TMEM178B: variants seen among roughly 807,000 people sequenced by gnomAD.
TMEM178B encodes transmembrane protein 178B.
A neutral mutation model predicts 31.0 loss-of-function variants in TMEM178B; 5 were observed. The ratio of observed to expected loss-of-function variants is 0.16; its 90% CI spans 0.08 to 0.34. The LOEUF (loss-of-function observed/expected upper bound fraction) is 0.34. Ranked by LOEUF, TMEM178B falls within the 10% of genes least tolerant of loss-of-function variation. The probability of loss-of-function intolerance (pLI) is 1.00; values close to 1 mark genes in which losing one functional copy is unlikely to be tolerated. For missense variants in TMEM178B, 275 were observed against 400.3 expected, an observed-to-expected ratio of 0.69 and a Z score of 2.67; for synonymous variants, 164 against 164.0, an observed-to-expected ratio of 1.00 and a Z score of 0.00.
At chr7:141,081,069 G>C (rs1475356482) in intron 1 of TMEM178B, among the ~76,000 whole-genome samples, 1 of 152,150 alleles carries the variant, frequency 6.6e-6, no homozygotes, top group Non-Finnish European at 1.5e-5. Context: ...ATAAAAAAAA[G>C]TTAACTGTAA....
chr7:141,102,982 T>C (rs1054454512), intron 1 of TMEM178B, among the ~76,000 whole-genome samples: 2 of 152,138 alleles, frequency 1.3e-5, no homozygotes, highest in Admixed American at 1.3e-4. Flanking sequence ...CATCTGGATC[T>C]CTCTCCATCA....
chr7:141,235,800 A>G (rs1314034757), intron 2 of TMEM178B, among the ~76,000 whole-genome samples: 2 of 152,212 alleles, frequency 1.3e-5, no homozygotes, highest in Non-Finnish European at 2.9e-5. Flanking sequence ...AGCCCTAAGA[A>G]ATTGCCAGGG....
intron 1 of TMEM178B, among the ~76,000 whole-genome samples, chr7:141,080,853 T>C (rs757084490): frequency 3.9e-5 from 6 of 152,146 alleles, no homozygotes; most frequent in Non-Finnish European, 1.5e-5. Context: ...AGTGACATCA[T>C]AGATGTCACA....
chr7:141,499,141 G>T, the TMEM178B span, among the ~76,000 whole-genome samples: 1 of 152,142 alleles, frequency 6.6e-6, no homozygotes, highest in African/African-American at 2.4e-5. Context: ...GTGCTTAAAA[G>T]TATTTCTGTG....
chr7:141,416,396 G>A (rs192212791), intron 2 of TMEM178B: 148 of 152,786 alleles, frequency 9.7e-4, no homozygotes, highest in East Asian at 1.3e-3. Context: ...GTGCTACTGA[G>A]TAGGAGGACA....
At chr7:141,347,053 G>C (rs528210945) in intron 2 of TMEM178B, among the ~76,000 whole-genome samples, 4 of 152,230 alleles carry the variant, frequency 2.6e-5, no homozygotes, top group African/African-American at 9.6e-5. Context: ...ATGTGAAGAA[G>C]GCCCTTGCTT....
chr7:141,184,848 A>T (rs538705194), intron 1 of TMEM178B, among the ~76,000 whole-genome samples: 1 of 152,168 alleles, frequency 6.6e-6, no homozygotes, highest in Non-Finnish European at 1.5e-5. Context: ...CCTTGGTACA[A>T]ATAAACTTCT....
At chr7:141,286,516 A>C (rs921488192) in intron 2 of TMEM178B, among the ~76,000 whole-genome samples, 1 of 152,344 alleles carries the variant, frequency 6.6e-6, no homozygotes, top group Admixed American at 6.5e-5. Context: ...CGTGGTAGAC[A>C]TGGCCTGGCT....
intron 2 of TMEM178B, among the ~76,000 whole-genome samples, chr7:141,253,832 G>A (rs1168857030): frequency 2.6e-5 from 4 of 152,108 alleles, no homozygotes; most frequent in African/African-American, 7.2e-5. Flanking sequence ...GATTACAGGC[G>A]TGAGCCACCG....
intron 1 of TMEM178B, among the ~76,000 whole-genome samples, chr7:141,101,196 G>A (rs555541134): frequency 2.8e-4 from 42 of 152,052 alleles, no homozygotes; most frequent in Non-Finnish European, 4.3e-4. Flanking sequence ...AAAATATTTT[G>A]GCTCTTTTGA....
At chr7:141,361,699 C>T (rs1799921258) in intron 2 of TMEM178B, among the ~76,000 whole-genome samples, 1 of 152,208 alleles carries the variant, frequency 6.6e-6, no homozygotes, top group South Asian at 2.1e-4. Context: ...CACCATCACC[C>T]TCTCTTGATT....
At chr7:141,413,172 C>T (rs147523346) in intron 2 of TMEM178B, among the ~76,000 whole-genome samples, 2 of 152,330 alleles carry the variant, frequency 1.3e-5, no homozygotes, top group Non-Finnish European at 2.9e-5. Context: ...CACCCCCATC[C>T]TCTGCCTGAC....
intron 2 of TMEM178B, 90 bp downstream of exon 2, chr7:141,212,794 C>A: frequency 9.7e-7 from 1 of 1,032,772 alleles, no homozygotes; most frequent in Non-Finnish European, 1.4e-6. Context: ...CTTCTGGGAT[C>A]TGTGGATGGT....
intron 1 of TMEM178B, chr7:141,173,289 A>G (rs1796376298): frequency 6.6e-6 from 1 of 152,256 alleles, no homozygotes. Context: ...GAAGGCAAGA[A>G]CAATGTCATG....
chr7:141,216,860 G>A (rs1422645867), intron 2 of TMEM178B, among the ~76,000 whole-genome samples: 1 of 152,040 alleles, frequency 6.6e-6, no homozygotes, highest in African/African-American at 2.4e-5. Context: ...TGCAAAGCGA[G>A]GTAGAACGGC....
chr7:141,212,462 T>C (rs1157386993), intron 1 of TMEM178B, 129 bp from the exon 2 acceptor site: 1 of 697,036 alleles, frequency 1.4e-6, no homozygotes, highest in Non-Finnish European at 2.5e-6. Context: ...AGGTATTGTC[T>C]TTCTGTAGTT....
chr7:141,215,752 T>C (rs2129188334), intron 2 of TMEM178B, among the ~76,000 whole-genome samples: 1 of 152,256 alleles, frequency 6.6e-6, no homozygotes, highest in East Asian at 1.9e-4. Context: ...ATTTGGACTT[T>C]GGTTAAATTT....
chr7:141,228,554 G>A (rs1586837531), intron 2 of TMEM178B, among the ~76,000 whole-genome samples: 1 of 152,228 alleles, frequency 6.6e-6, no homozygotes, highest in African/African-American at 2.4e-5. Context: ...TTGAGGTTGA[G>A]CTTATTAAAA....
chr7:141,302,686 A>G (rs1310504665), intron 2 of TMEM178B, among the ~76,000 whole-genome samples: 1 of 152,158 alleles, frequency 6.6e-6, no homozygotes, highest in Admixed American at 6.5e-5. Context: ...AGTAGAAAAA[A>G]AAGTCTTGGC....
Sources: gnomAD v4.1 joint callset for allele counts (sites outside exome capture counted in the v4.1 genomes callset) on GRCh38, gnomAD v4.1.1 for gene constraint, MANE v1.5 for transcripts, NCBI Gene and HGNC (gene_info 2026-07-23, HGNC 2026-07-21) for gene names.